Variants in APP observed in about 807,000 individuals in gnomAD.
APP encodes the protein amyloid-beta precursor protein.
APP carries 31 observed loss-of-function variants against 101.4 expected under a neutral mutation model. The ratio of observed to expected loss-of-function variants is 0.31; its 90% confidence interval spans 0.23 to 0.41. The LOEUF is 0.41. APP is among the 10% of genes least tolerant of loss of function. The probability of loss-of-function intolerance (pLI) is 1.00; values close to 1 mark genes in which losing one functional copy is unlikely to be tolerated. For synonymous variants in APP, 366 were observed against 364.4 expected (o/e 1.00, Z -0.05); for missense variants, 839 against 1,003.7 (o/e 0.84, Z 2.22).
In APP at chr21:26,003,903, G is replaced by A. The variant is rs369724969; in HGVS notation, c.866-3721C>T. 6.6e-5 allele frequency among the ~76,000 whole-genome samples: 10 copies of A among 152,206 alleles called. No homozygotes were observed. The East Asian group carries it at 1.9e-3, about 29-fold the overall frequency. On this transcript the variant is annotated intron_variant, in intron 6 of 17. Transcript: ENST00000346798. ...GAGAGGACTGGGAAAGGAATGGAAC[G>A]TATCCTCTATCACTCATAATTATAT... is the stretch of plus-strand genomic sequence containing the variant.
At chr21:26,013,464 G>A (rs2043910375) in intron 6 of APP, among the ~76,000 whole-genome samples, 1 of 143,680 alleles carries the variant, frequency 7.0e-6, no homozygotes, top group Non-Finnish European at 1.5e-5. Context: ...CAGTTATTGT[G>A]CCTGAGGCAT....
intron 1 of APP, among the ~76,000 whole-genome samples, chr21:26,152,389 C>A (rs1442708582): frequency 6.6e-6 from 1 of 151,254 alleles, no homozygotes; most frequent in East Asian, 1.9e-4. Context: ...CACAAGTCCA[C>A]AACTACATAG....
chr21:26,120,110 A>T (rs940912885), intron 1 of APP, among the ~76,000 whole-genome samples: 8 of 152,216 alleles, frequency 5.3e-5, no homozygotes, highest in African/African-American at 1.4e-4. Context: ...GGCTATAATA[A>T]ATGGTTATTG....
Position 25,952,718 on chromosome 21 carries a change from G to T in APP, c.1687+1872C>A, listed in dbSNP as rs917925819. ...TGCCACTTCAACTGAAGTCACATGT[G>T]AAAACAGGCTTAAGATAGCTGTAAA... On this transcript the variant is annotated intron_variant, in intron 13 of 17. Coordinates refer to ENST00000346798, the MANE Select transcript of APP (RefSeq NM_000484.4). 2.0e-5 allele frequency among the ~76,000 whole-genome samples: 3 copies of T among 151,392 alleles called. No individual in the cohort carries two copies. In the East Asian group the frequency reaches 5.8e-4, roughly 29 times the overall value.
At chr21:25,898,864 T>G (rs762726123) in intron 15 of APP, among the ~76,000 whole-genome samples, 3 of 152,204 alleles carry the variant, frequency 2.0e-5, no homozygotes, top group Non-Finnish European at 2.9e-5. Flanking sequence ...GCCTAATCAC[T>G]CTTTCAATCT....
chr21:25,982,863 T>C (rs2042488946), intron 8 of APP, among the ~76,000 whole-genome samples: 2 of 152,206 alleles, frequency 1.3e-5, no homozygotes, highest in Non-Finnish European at 2.9e-5. Flanking sequence ...ATCATCAATA[T>C]CATACACTAA....
rs1388649770 is a variant in APP at position 25,904,933 on chromosome 21, T to C, written c.1963+91A>G. On this transcript the variant is annotated intron_variant, in intron 15 of 17. Coordinates refer to ENST00000346798, the MANE Select transcript of APP (RefSeq NM_000484.4). ...AAATTCTACTCTGCAGTAAGTACAA[T>C]TGAGAGAGGCTTAAAATGCAGAAAG... The C allele has an allele frequency of 6.1e-6, 7 of 1,151,258 alleles. 1 individual carries two copies. Among genetic ancestry groups the C allele is most frequent in the South Asian group, 2.6e-5 (2 of 76,894 alleles). 71.3% of individuals were successfully genotyped at this position (1,151,258 alleles called of 1,614,324 possible).
chr21:25,955,170 A>G (rs1357730725), intron 12 of APP, among the ~76,000 whole-genome samples: 1 of 152,152 alleles, frequency 6.6e-6, no homozygotes, highest in Non-Finnish European at 1.5e-5. Flanking sequence ...AAGAAAATGT[A>G]AAATTTCACA....
chr21:25,914,578 G>C (rs2039249235), intron 13 of APP, among the ~76,000 whole-genome samples: 1 of 136,040 alleles, frequency 7.4e-6, no homozygotes. Context: ...TTTTGAGACG[G>C]AGTCTTGCTC....
chr21:25,927,621 A>C (rs2039956202), intron 13 of APP, among the ~76,000 whole-genome samples: 1 of 152,194 alleles, frequency 6.6e-6, no homozygotes, highest in African/African-American at 2.4e-5. Flanking sequence ...TTGTTTAAAA[A>C]TAACAGTTTC....
intron 6 of APP, among the ~76,000 whole-genome samples, chr21:26,021,093 G>C (rs1381046389): frequency 6.9e-6 from 1 of 145,178 alleles, no homozygotes; most frequent in African/African-American, 2.6e-5. Flanking sequence ...TGTCACCCAG[G>C]CTGGAGTGCA....
At chr21:26,075,635 G>T (rs1335634799) in intron 3 of APP, among the ~76,000 whole-genome samples, 1 of 152,144 alleles carries the variant, frequency 6.6e-6, no homozygotes, top group Non-Finnish European at 1.5e-5. Context: ...AAGAAAGCAG[G>T]TATCTTAGAG....
At chr21:25,938,810 C>T (rs548654163) in intron 13 of APP, among the ~76,000 whole-genome samples, 48 of 152,190 alleles carry the variant, frequency 3.2e-4, no homozygotes, top group African/African-American at 8.7e-4. Context: ...GCAGAAGTCA[C>T]GTAGGGCAGT....
chr21:25,959,290 A>C (rs1173793313), intron 11 of APP, among the ~76,000 whole-genome samples: 1 of 152,106 alleles, frequency 6.6e-6, no homozygotes, highest in Non-Finnish European at 1.5e-5. Context: ...AAAATTAGCA[A>C]GGCATGGTGG....
At chr21:25,961,131 A>C (rs562472604) in intron 11 of APP, among the ~76,000 whole-genome samples, 1 of 152,342 alleles carries the variant, frequency 6.6e-6, no homozygotes, top group South Asian at 2.1e-4. Context: ...TGGAGAGGCT[A>C]ATCAGAAACT....
chr21:26,027,199 T>G (rs114081740), intron 5 of APP, among the ~76,000 whole-genome samples: 1,810 of 152,244 alleles, frequency 0.012, 38 homozygotes, highest in African/African-American at 0.04. Context: ...CAATGTCAGT[T>G]CCTGAAATGC....
chr21:26,042,600 T>C (rs2045421006), intron 5 of APP, among the ~76,000 whole-genome samples: 1 of 152,216 alleles, frequency 6.6e-6, no homozygotes, highest in African/African-American at 2.4e-5. Flanking sequence ...TTGATTATTG[T>C]TATCAAGATT....
At chr21:26,104,847 G>A (rs1035133431) in intron 2 of APP, among the ~76,000 whole-genome samples, 6 of 152,056 alleles carry the variant, frequency 3.9e-5, no homozygotes, top group South Asian at 2.1e-4. Context: ...TCAAAACGAC[G>A]TGACGGTGAT....
At position 25,911,610 on chromosome 21, in the gene APP, ATATT is replaced by A. The variant is rs3834673; in HGVS notation, c.1909+127_1909+130del. ...TTTTTAAAGTAAAATTATAATGAAA[ATATT>A]TATGACTACATCAAAAAAAATTCAC... is the stretch of plus-strand genomic sequence containing the variant. On this transcript the variant is annotated intron_variant, in intron 14 of 17. Coordinates refer to ENST00000346798, the MANE Select transcript of APP (RefSeq NM_000484.4). The A allele has an allele frequency of 4.7e-3, 3,480 of 741,744 alleles. 41 individuals are homozygous for A. Among genetic ancestry groups the A allele is most frequent in the East Asian group, 0.035 (1,270 of 36,748 alleles). The allele number at this position is 741,744 out of a possible 1,614,324, so 45.9% of individuals were successfully genotyped here.
Sources: gnomAD v4.1 joint callset for allele counts (sites outside exome capture counted in the v4.1 genomes callset) on GRCh38, gnomAD v4.1.1 for gene constraint, MANE v1.5 for transcripts, NCBI Gene and HGNC (gene_info 2026-07-23, HGNC 2026-07-21) for gene names.